The following SUMF1 variants were observed in gnomAD, a reference collection of about 807,000 sequenced individuals.
SUMF1 encodes sulfatase modifying factor 1, also known as formylglycine-generating enzyme.
In SUMF1, 48 loss-of-function variants were observed where a neutral mutation model predicts 47.6. The ratio of observed to expected loss-of-function variants is 1.01; its 90% CI spans 0.80 to 1.28. SUMF1 has a LOEUF of 1.28. Ranked by LOEUF, SUMF1 falls within the 50% of genes most tolerant of loss-of-function variation. The pLI is 0.00. For missense variants in SUMF1, 571 were observed against 485.4 expected, an observed-to-expected ratio of 1.18 and a Z score of -1.66; for synonymous variants, 230 against 192.1, an observed-to-expected ratio of 1.20 and a Z score of -1.63.
intron 8 of SUMF1, among the ~76,000 whole-genome samples, chr3:4,113,344 T>C (rs1271900426): frequency 6.6e-6 from 1 of 151,916 alleles, no homozygotes; most frequent in East Asian, 1.9e-4. Context: ...CTGGGCAATA[T>C]AGCAAGACCT....
At chr3:4,167,175 G>A (rs529750136) in intron 8 of SUMF1, among the ~76,000 whole-genome samples, 2 of 151,998 alleles carry the variant, frequency 1.3e-5, no homozygotes, top group African/African-American at 4.8e-5. Flanking sequence ...GCTCTTAAAG[G>A]TGGCACAGAC....
At chr3:4,085,526 T>C (rs1266859022) in intron 8 of SUMF1, among the ~76,000 whole-genome samples, 1 of 152,118 alleles carries the variant, frequency 6.6e-6, no homozygotes. Flanking sequence ...CTGCAAGAGA[T>C]ACCCACATGT....
intron 1 of SUMF1, among the ~76,000 whole-genome samples, chr3:4,456,572 C>A (rs1418747659): frequency 6.8e-6 from 1 of 148,060 alleles, no homozygotes; most frequent in Non-Finnish European, 1.5e-5. Context: ...CTGCCTCAGC[C>A]TCCTGAGTAG....
At chr3:4,280,814 C>CGTGTGTGTGTGTGTGTGT (rs56919301) in intron 8 of SUMF1, among the ~76,000 whole-genome samples, 2 of 138,034 alleles carry the variant, frequency 1.4e-5, no homozygotes, top group Admixed American at 7.4e-5. Context: ...TGGCATTCAC[C>CGTGTGTGTGTGTGTGTGT]GTGTGTGTGT....
chr3:4,137,768 C>G (rs1574916825), intron 8 of SUMF1, among the ~76,000 whole-genome samples: 1 of 152,072 alleles, frequency 6.6e-6, no homozygotes, highest in Non-Finnish European at 1.5e-5. Flanking sequence ...ATGCTCATTC[C>G]TACCACTTTT....
intron 8 of SUMF1, among the ~76,000 whole-genome samples, chr3:4,305,038 T>C (rs9942117): frequency 0.013 from 1,950 of 152,266 alleles, 29 homozygotes; most frequent in African/African-American, 0.043. Flanking sequence ...TGGTTAACAA[T>C]TGGTTGAGTT....
Position 4,167,696 on chromosome 3 carries a change from T to C in SUMF1, c.1015-98951A>G, listed in dbSNP as rs1402588661. Among the ~76,000 whole-genome samples the C allele has an allele frequency of 1.3e-5, 2 of 152,170 alleles. 1 individual carries two copies. Among genetic ancestry groups the C allele is most frequent in the Non-Finnish European group, 2.9e-5 (2 of 68,032 alleles). On this transcript the variant is annotated intron_variant and NMD_transcript_variant, in intron 8 of 12. Coordinates refer to the SUMF1 transcript ENST00000448413. ...CTGGCTCTTCACCTATCAGTAGCAGTGGCAACTCAGACAATACACCCTGCC... is the reference window on the plus strand; with the variant it reads ...CTGGCTCTTCACCTATCAGTAGCAGCGGCAACTCAGACAATACACCCTGCC...
At chr3:4,284,607 A>C (rs540397530) in intron 8 of SUMF1, among the ~76,000 whole-genome samples, 18 of 152,142 alleles carry the variant, frequency 1.2e-4, no homozygotes, top group Non-Finnish European at 1.6e-4. Context: ...TCTTTGATAT[A>C]TATTTTACTC....
At chr3:4,356,199 T>C (rs1182203609), downstream of SUMF1, among the ~76,000 whole-genome samples, 1 of 152,232 alleles carries the variant, frequency 6.6e-6, no homozygotes, top group African/African-American at 2.4e-5. Context: ...GCACAACTGA[T>C]TCTGGAAAAC....
In SUMF1 at chr3:4,111,656, T is replaced by G. The variant is rs1024948448; in HGVS notation, c.1015-42911A>C. Among the ~76,000 whole-genome samples the G allele has an allele frequency of 3.3e-5, 5 of 151,894 alleles. 1 individual carries two copies. Among genetic ancestry groups the G allele is most frequent in the African/African-American group, 1.2e-4 (5 of 41,304 alleles). ...CCGGAGGCTGAGGCAAGACAATCGA[T>G]TGAACCCAGGGGGCAGAGGTTGCAG... On this transcript the variant is annotated intron_variant and NMD_transcript_variant, in intron 8 of 12. Transcript: ENST00000448413.
chr3:4,065,413 G>A (rs1182324105), intron 9 of SUMF1, among the ~76,000 whole-genome samples: 1 of 152,062 alleles, frequency 6.6e-6, no homozygotes, highest in Non-Finnish European at 1.5e-5. Flanking sequence ...TGCAGTTCAA[G>A]TTTCCATCCT....
At chr3:4,448,337 C>T (rs757935063) in intron 3 of SUMF1, among the ~76,000 whole-genome samples, 2 of 152,122 alleles carry the variant, frequency 1.3e-5, no homozygotes, top group East Asian at 3.8e-4. Context: ...GAGGCCCACC[C>T]ACAGAGATGA....
At chr3:4,187,975 A>G (rs1695237933) in intron 8 of SUMF1, among the ~76,000 whole-genome samples, 2 of 152,120 alleles carry the variant, frequency 1.3e-5, no homozygotes, top group African/African-American at 4.8e-5. Flanking sequence ...CTGTTTTTTA[A>G]AAGACTTTAT....
intron 8 of SUMF1, among the ~76,000 whole-genome samples, chr3:4,145,191 TAAAA>T (rs35699553): frequency 0.043 from 3,887 of 90,458 alleles, 202 homozygotes; most frequent in African/African-American, 0.15. Flanking sequence ...AAACTCCGTC[TAAAA>T]AAAAAAAAAA....
chr3:4,125,489 C>G (rs937424992), intron 8 of SUMF1, among the ~76,000 whole-genome samples: 1 of 152,140 alleles, frequency 6.6e-6, no homozygotes, highest in Non-Finnish European at 1.5e-5. Flanking sequence ...AGTTATTCAA[C>G]TAGTTACAAT....
chr3:4,053,115 C>T (rs568960721), intron 9 of SUMF1, among the ~76,000 whole-genome samples: 1 of 152,224 alleles, frequency 6.6e-6, no homozygotes, highest in South Asian at 2.1e-4. Flanking sequence ...CTTCCTTTCA[C>T]TTGAACAGTT....
intron 9 of SUMF1, among the ~76,000 whole-genome samples, chr3:4,065,668 T>A (rs1011185607): frequency 1.3e-5 from 2 of 152,122 alleles, no homozygotes; most frequent in African/African-American, 4.8e-5. Flanking sequence ...AAAAAAATTA[T>A]CATTTTGAGT....
chr3:4,446,868 G>T (rs1702798786), intron 3 of SUMF1, among the ~76,000 whole-genome samples: 2 of 152,172 alleles, frequency 1.3e-5, no homozygotes, highest in East Asian at 1.9e-4. Flanking sequence ...CACAATGAAA[G>T]GGAAACCTGT....
chr3:4,114,552 A>C (rs951942059), intron 8 of SUMF1, among the ~76,000 whole-genome samples: 2 of 152,096 alleles, frequency 1.3e-5, no homozygotes, highest in Admixed American at 6.5e-5. Context: ...TTTATAATAC[A>C]TTACATTTTG....
Sources: gnomAD v4.1 joint callset for allele counts (sites outside exome capture counted in the v4.1 genomes callset) on GRCh38, gnomAD v4.1.1 for gene constraint, MANE v1.5 for transcripts, NCBI Gene and HGNC (gene_info 2026-07-23, HGNC 2026-07-21) for gene names.